POLR2F: variants seen among roughly 807,000 people sequenced by gnomAD.
The protein encoded by POLR2F is RNA polymerase II, I and III subunit F.
Under a neutral mutation model 22.7 loss-of-function variants are expected in POLR2F, and 12 were observed. The observed-to-expected ratio is 0.53, with a 90% CI of 0.34 to 0.86. POLR2F has a LOEUF of 0.86. Ranked by LOEUF, POLR2F falls within the 40% of genes least tolerant of loss-of-function variation. The pLI is 0.02. For synonymous variants in POLR2F, 57 were observed against 66.0 expected (o/e 0.86, Z 0.66); for missense variants, 126 against 171.5 (o/e 0.73, Z 1.48).
Position 38,031,890 on chromosome 22 carries a change from A to G in POLR2F, c.453-9178A>G, listed in dbSNP as rs6000981. 6.4e-3 allele frequency among the ~76,000 whole-genome samples: 970 copies of G among 151,804 alleles called. 14 individuals are homozygous for G. Among genetic ancestry groups the G allele is most frequent in the African/African-American group, 0.023 (936 of 41,384 alleles). On this transcript the variant is annotated intron_variant, in intron 5 of 5. Coordinates refer to the POLR2F transcript ENST00000407936. This position sits in a 1 kb window ranked among gnomAD's most constrained non-coding sequence, Gnocchi z 4.1. The stretch of plus-strand genomic sequence containing the variant: ...CTATGGCTAGTCATCGGCCATGACA[A>G]TTTTTCCTTCCAAACACATCCGTAG...
chr22:37,978,307 G>A lies in POLR2F; in HGVS notation c.293+11137G>A, dbSNP rs1235321220. On this transcript the variant is annotated intron_variant, in intron 4 of 4. Transcript: ENST00000405557. This position sits in a 1 kb window ranked among gnomAD's most constrained non-coding sequence, Gnocchi z 5.0. Reference sequence around the variant, plus strand: ...CTGTGCCCTATGATTTGTGGACTGAGAGATGTGAGGCCCAAGGAATAACAG... The same window carrying A: ...CTGTGCCCTATGATTTGTGGACTGAAAGATGTGAGGCCCAAGGAATAACAG... 6.6e-6 allele frequency among the ~76,000 whole-genome samples: 1 copy of A among 152,214 alleles called. No individual in the cohort carries two copies. The highest frequency in any genetic ancestry group is 1.9e-4 in the East Asian group (1 of 5,186).
rs1328881744 is a variant in POLR2F at position 37,961,113 on chromosome 22, T to G, written c.221+1637T>G. 2.0e-5 allele frequency among the ~76,000 whole-genome samples: 3 copies of G among 152,140 alleles called. No homozygotes were observed. The East Asian group carries it at 5.8e-4, about 29-fold the overall frequency. The stretch of plus-strand genomic sequence containing the variant: ...ATCCACCTGCCTTGGCCTCCCAAAG[T>G]ACTGGGAGTACAGGCATGAGCCACC... On this transcript the variant is annotated intron_variant, in intron 3 of 4. Transcript: ENST00000442738.
intron 1 of POLR2F, chr22:37,988,358 A>T (rs2145785357): frequency 6.7e-6 from 1 of 149,510 alleles, no homozygotes; most frequent in East Asian, 2.0e-4. Flanking sequence ...GAAAAAAAGA[A>T]AAACATACTG....
rs1197814528 is a variant in POLR2F at position 37,969,219 on chromosome 22, C to T, written c.*1504C>T. ...GAAGGGGTGTTTTTCCTCCTGTCTT[C>T]CTCTTCCCATTCTCCTCTTTTGGGG... On this transcript the variant is annotated 3_prime_UTR_variant, in exon 5 of 5. Coordinates refer to ENST00000442738, the MANE Select transcript of POLR2F (RefSeq NM_021974.5). 1.0e-6 allele frequency: 1 copy of T among 985,372 alleles called. No homozygotes were observed. Among genetic ancestry groups the T allele is most frequent in the Non-Finnish European group, 1.2e-6 (1 of 829,904 alleles). 61.0% of individuals were successfully genotyped at this position (985,372 alleles called of 1,614,324 possible).
At chr22:37,972,338 T>C (rs1235695869), downstream of POLR2F, 4 of 814,274 alleles carry the variant, frequency 4.9e-6, no homozygotes, top group Admixed American at 4.7e-5. Context: ...TTTTATTATG[T>C]GGAATGCTTA....
chr22:37,953,787 C>T lies in POLR2F; in HGVS notation c.-1C>T. On this transcript the variant is annotated 5_prime_UTR_variant, in exon 1 of 5. Coordinates refer to ENST00000442738, the MANE Select transcript of POLR2F (RefSeq NM_021974.5). The stretch of plus-strand genomic sequence containing the variant: ...AGCGGGGTCGCTGAGGCGAGGGTGT[C>T]ATGTCAGACAACGAGGACAAGTGAG... The T allele has an allele frequency of 6.2e-7, 1 of 1,609,582 alleles. No homozygotes were observed. The highest frequency in any genetic ancestry group is 8.5e-7 in the Non-Finnish European group (1 of 1,178,922).
chr22:37,962,539 A>T (rs1302771161), intron 3 of POLR2F, among the ~76,000 whole-genome samples: 14 of 152,226 alleles, frequency 9.2e-5, no homozygotes, highest in African/African-American at 3.4e-4. Context: ...AGCCATACCC[A>T]ATATGCCACC....
intron 1 of POLR2F, chr22:37,987,287 G>A (rs568857164): frequency 1.3e-5 from 6 of 456,706 alleles, no homozygotes; most frequent in African/African-American, 1.0e-4. Flanking sequence ...TTTTGTTAAG[G>A]CAGGTCCCGG....
At chr22:37,958,037 G>A (rs1005644753) in intron 2 of POLR2F, among the ~76,000 whole-genome samples, 1 of 152,062 alleles carries the variant, frequency 6.6e-6, no homozygotes, top group Non-Finnish European at 1.5e-5. Flanking sequence ...GTCTTGCTAC[G>A]TTGTCTAGGC....
chr22:38,027,215 T>C (rs1163384411), downstream of POLR2F, among the ~76,000 whole-genome samples: 2 of 152,156 alleles, frequency 1.3e-5, no homozygotes, highest in South Asian at 2.1e-4. Context: ...CTAGTCTCTA[T>C]TGAGTTCCTC....
chr22:38,012,906 A>T (rs961400072), intron 1 of POLR2F, among the ~76,000 whole-genome samples: 2 of 152,112 alleles, frequency 1.3e-5, no homozygotes, highest in African/African-American at 4.8e-5. Context: ...TGTCAGCCAG[A>T]CCTCTGAGTT....
intron 1 of POLR2F, among the ~76,000 whole-genome samples, chr22:38,011,227 G>A (rs182728749): frequency 2.0e-5 from 3 of 151,964 alleles, no homozygotes; most frequent in East Asian, 3.9e-4. Context: ...TCAGCCTCCC[G>A]AGTAGCTGGG....
chr22:38,010,883 C>CCA (rs1373258225), intron 1 of POLR2F, among the ~76,000 whole-genome samples: 394 of 152,196 alleles, frequency 2.6e-3, no homozygotes, highest in African/African-American at 8.9e-3. Context: ...TCCCAAAGTG[C>CCA]TGGGATAACA....
chr22:38,036,667 T>G (rs1266217819), intron 5 of POLR2F, among the ~76,000 whole-genome samples: 1 of 151,736 alleles, frequency 6.6e-6, no homozygotes, highest in Admixed American at 6.6e-5. Flanking sequence ...GGTCTCTCAG[T>G]TTCTGACCTT....
Position 38,020,146 on chromosome 22 carries a change from C to T in POLR2F, c.121-5723C>T, listed in dbSNP as rs187194640. Among the ~76,000 whole-genome samples, 346 of 150,822 alleles carry T rather than the reference C, an allele frequency of 2.3e-3. 1 individual carries two copies. Among genetic ancestry groups the T allele is most frequent in the Non-Finnish European group, 3.7e-3 (250 of 67,752 alleles). ...GGAGGATTGCTTGAGTCCAGGAGTT[C>T]GAGATCAGCCTGGGCAACACAGCGA... is the stretch of plus-strand genomic sequence containing the variant. On this transcript the variant is annotated intron_variant, in intron 1 of 2. Transcript: ENST00000333418.
In POLR2F at chr22:37,957,001, G is replaced by T. The variant is rs997386541; in HGVS notation, c.90+159G>T. Reference sequence around the variant, plus strand: ...AGCTGTGTTCCAGTCTTGCATAGCAGAACAGCCCTGCAGGGTGGGCCTGAA... The same window carrying T: ...AGCTGTGTTCCAGTCTTGCATAGCATAACAGCCCTGCAGGGTGGGCCTGAA... On this transcript the variant is annotated intron_variant, in intron 2 of 4. Coordinates refer to ENST00000442738, the MANE Select transcript of POLR2F (RefSeq NM_021974.5). The T allele has an allele frequency of 3.4e-5, 23 of 683,992 alleles. No individual in the cohort carries two copies. The African/African-American group carries it at 3.7e-4, about 11-fold the overall frequency. The allele number at this position is 683,992 out of a possible 1,614,324, so 42.4% of individuals were successfully genotyped here.
intron 3 of POLR2F, among the ~76,000 whole-genome samples, chr22:37,962,571 T>G (rs1037923019): frequency 6.6e-6 from 1 of 152,242 alleles, no homozygotes; most frequent in Non-Finnish European, 1.5e-5. Context: ...CCTCTGGGCC[T>G]GCACCATCAA....
intron 1 of POLR2F, among the ~76,000 whole-genome samples, chr22:37,996,960 A>AC (rs772845146): frequency 4.0e-5 from 6 of 151,736 alleles, no homozygotes; most frequent in Non-Finnish European, 8.8e-5. Flanking sequence ...TGAAACTCCC[A>AC]CCCCTAGGGC....
At chr22:37,963,062 C>T (rs1194107490) in intron 3 of POLR2F, among the ~76,000 whole-genome samples, 1 of 152,098 alleles carries the variant, frequency 6.6e-6, no homozygotes, top group East Asian at 1.9e-4. Flanking sequence ...TCTTGGCTCA[C>T]TGCATCCTCC....
Sources: allele counts gnomAD v4.1 joint callset (sites outside exome capture counted in the v4.1 genomes callset), GRCh38; gene constraint gnomAD v4.1.1; non-coding constraint Gnocchi (gnomAD v3.1); transcripts MANE v1.5; gene names NCBI Gene and HGNC (gene_info 2026-07-23, HGNC 2026-07-21).